The following IMPA2 variants were observed in gnomAD, a reference collection of about 807,000 sequenced individuals.
The protein encoded by IMPA2 is IMP 2.
In IMPA2, 32 loss-of-function variants were observed where a neutral mutation model predicts 35.1. That is an observed-to-expected ratio of 0.91 (90% confidence interval 0.69 to 1.23). IMPA2 has a LOEUF of 1.23. Among genes scored for constraint, IMPA2 ranks in the 50% most tolerant of loss-of-function variants. The pLI is 0.00. For missense variants in IMPA2, 334 were observed against 387.6 expected (o/e 0.86, Z 1.16); for synonymous variants, 135 against 160.6 (o/e 0.84, Z 1.20).
At chr18:12,017,842 T>C (rs1907622428) in intron 5 of IMPA2, 1 of 337,016 alleles carries the variant, frequency 3.0e-6, no homozygotes, top group Admixed American at 4.1e-5. Flanking sequence ...GCCTTTTGCC[T>C]CGGCCTCCGA....
intron 1 of IMPA2, among the ~76,000 whole-genome samples, chr18:11,993,176 C>T (rs591061): frequency 0.38 from 57,925 of 152,030 alleles, 13,466 homozygotes; most frequent in African/African-American, 0.64. Flanking sequence ...GTGTTAGATA[C>T]ACTGTTATTA....
At position 11,987,869 on chromosome 18, in the gene IMPA2, G is replaced by A. The variant is rs111708797; in HGVS notation, c.96+6104G>A. 7.3e-3 allele frequency among the ~76,000 whole-genome samples: 1,108 copies of A among 152,172 alleles called. 10 individuals carry two copies. The highest frequency in any genetic ancestry group is 0.022 in the South Asian group (107 of 4,818). On this transcript the variant is annotated intron_variant, in intron 1 of 7. Transcript: ENST00000269159. ...TGTGTGAGGGTTCCCTTTTCCCCAC[G>A]TCTTCCACAACATGTGGTATGGTCT...
intron 5 of IMPA2, among the ~76,000 whole-genome samples, chr18:12,020,744 C>T (rs1164335280): frequency 6.6e-6 from 1 of 152,024 alleles, no homozygotes; most frequent in Non-Finnish European, 1.5e-5. Flanking sequence ...TTTAGTTTGT[C>T]TTCTTTTCTG....
chr18:11,996,400 G>T (rs1906958860), intron 1 of IMPA2, among the ~76,000 whole-genome samples: 1 of 152,214 alleles, frequency 6.6e-6, no homozygotes, highest in Non-Finnish European at 1.5e-5. Flanking sequence ...TCCCCATCCA[G>T]CTGCTGCGTA....
At chr18:12,002,863 A>C (rs1907149843) in intron 2 of IMPA2, among the ~76,000 whole-genome samples, 1 of 152,086 alleles carries the variant, frequency 6.6e-6, no homozygotes, top group Non-Finnish European at 1.5e-5. Flanking sequence ...ACTGCACTGC[A>C]GCCTGGGCAA....
intron 2 of IMPA2, among the ~76,000 whole-genome samples, chr18:12,003,975 G>A (rs1309952539): frequency 6.6e-6 from 1 of 152,256 alleles, no homozygotes; most frequent in Non-Finnish European, 1.5e-5. Flanking sequence ...AGGGTCTAGT[G>A]TTTTTAGCTG....
At chr18:11,997,434 C>G (rs559529343) in intron 1 of IMPA2, among the ~76,000 whole-genome samples, 1 of 152,126 alleles carries the variant, frequency 6.6e-6, no homozygotes, top group South Asian at 2.1e-4. Flanking sequence ...ACGCTGTATG[C>G]TTTTTTTGGT....
chr18:11,985,869 C>T (rs62099886), intron 1 of IMPA2, among the ~76,000 whole-genome samples: 9,006 of 152,266 alleles, frequency 0.059, 357 homozygotes, highest in Non-Finnish European at 0.087. Flanking sequence ...CTGGCTGTAT[C>T]CACGCCAGTG....
Position 12,028,161 on chromosome 18 carries a change from T to G in IMPA2, c.599+10T>G. The G allele has an allele frequency of 6.4e-7, 1 of 1,563,652 alleles. No individual in the cohort carries two copies. Among genetic ancestry groups the G allele is most frequent in the Non-Finnish European group, 8.8e-7 (1 of 1,134,106 alleles). On this transcript the variant is annotated intron_variant, in intron 6 of 7. Coordinates refer to ENST00000269159, the MANE Select transcript of IMPA2 (RefSeq NM_014214.3). Reference sequence around the variant, plus strand: ...ATGCCAAGGCGCATGGGTAGGAGGTTCAGTTCGGGGAACACCCTGCAGCCC... The same window carrying G: ...ATGCCAAGGCGCATGGGTAGGAGGTGCAGTTCGGGGAACACCCTGCAGCCC...
In IMPA2 at chr18:11,991,620, C is replaced by T. The variant is rs1241484901; in HGVS notation, c.97-7434C>T. Among the ~76,000 whole-genome samples, 4 of 152,076 alleles carry T rather than the reference C, an allele frequency of 2.6e-5. No homozygotes were observed. Among genetic ancestry groups the T allele is most frequent in the African/African-American group, 4.8e-5 (2 of 41,402 alleles). Reference sequence around the variant, plus strand: ...CAGGGTGGGCTGGCAGCTGGAGACGCGGAGAGACAGCTGATGTTCCAGTTT... The same window carrying T: ...CAGGGTGGGCTGGCAGCTGGAGACGTGGAGAGACAGCTGATGTTCCAGTTT... On this transcript the variant is annotated intron_variant, in intron 1 of 7. Coordinates refer to ENST00000269159, the MANE Select transcript of IMPA2 (RefSeq NM_014214.3). This position sits in a 1 kb window ranked among gnomAD's most constrained non-coding sequence, Gnocchi z 4.1.
At chr18:12,024,997 G>A (rs920260372) in intron 5 of IMPA2, among the ~76,000 whole-genome samples, 2 of 152,138 alleles carry the variant, frequency 1.3e-5, no homozygotes, top group Non-Finnish European at 2.9e-5. Flanking sequence ...GTATCATATA[G>A]AATATTTTCG....
At chr18:11,997,985 T>G (rs559808585) in intron 1 of IMPA2, among the ~76,000 whole-genome samples, 4 of 152,022 alleles carry the variant, frequency 2.6e-5, no homozygotes, top group Non-Finnish European at 5.9e-5. Flanking sequence ...CTGGCTAGCA[T>G]AGCAAGACCC....
rs915040807 is a variant in IMPA2 at position 12,010,745 on chromosome 18, G to A, written c.335+758G>A. Among the ~76,000 whole-genome samples, 1 of 152,196 alleles carries A rather than the reference G, an allele frequency of 6.6e-6. No homozygotes were observed. Among genetic ancestry groups the A allele is most frequent in the Non-Finnish European group, 1.5e-5 (1 of 68,032 alleles). On this transcript the variant is annotated intron_variant, in intron 3 of 7. Coordinates refer to ENST00000269159, the MANE Select transcript of IMPA2 (RefSeq NM_014214.3). The surrounding 1 kb of genome is among the most constrained non-coding windows in gnomAD (Gnocchi z 4.8). ...ACAGTGCACGCCAGCACACTAGGCT[G>A]CACGCGCTAAGCAGGAAGGGTGAGC...
chr18:11,993,329 T>G (rs1906868424), intron 1 of IMPA2, among the ~76,000 whole-genome samples: 1 of 152,246 alleles, frequency 6.6e-6, no homozygotes, highest in Non-Finnish European at 1.5e-5. Flanking sequence ...GAAGGGAATT[T>G]TTCATACCCA....
intron 5 of IMPA2, 51 bp from the exon 6 acceptor site, chr18:12,027,992 T>C (rs1443774449): frequency 6.3e-6 from 8 of 1,265,340 alleles, no homozygotes; most frequent in South Asian, 6.0e-5. Context: ...TACTCCTTAG[T>C]TAGAACCAAG....
Position 12,028,249 on chromosome 18 carries a change from C to T in IMPA2, c.599+98C>T, listed in dbSNP as rs1907938390. 6.4e-6 allele frequency: 5 copies of T among 779,502 alleles called. 1 individual carries two copies. The highest frequency in any genetic ancestry group is 2.6e-5 in the East Asian group (1 of 38,252). 48.3% of individuals were successfully genotyped at this position (779,502 alleles called of 1,614,324 possible). On this transcript the variant is annotated intron_variant, in intron 6 of 7. Coordinates refer to ENST00000269159, the MANE Select transcript of IMPA2 (RefSeq NM_014214.3). The stretch of plus-strand genomic sequence containing the variant: ...CCTGGGATTTGAGGAGGAAGCCTGA[C>T]GTGGAAAGAGTGGGAGGGGCACATG...
At chr18:12,009,832 G>A (rs769973849) in intron 2 of IMPA2, 51 bp from the exon 3 acceptor site, 59 of 1,420,774 alleles carry the variant, frequency 4.2e-5, no homozygotes, top group African/African-American at 5.6e-5. Context: ...TTTCAGGCAC[G>A]TTATTCTGTG....
At chr18:12,014,536 C>T (rs1365116457) in intron 5 of IMPA2, among the ~76,000 whole-genome samples, 163 bp downstream of exon 5, 3 of 152,092 alleles carry the variant, frequency 2.0e-5, no homozygotes, top group African/African-American at 7.2e-5. Context: ...GGAGCCAGTT[C>T]TGTATGTTAG....
At chr18:12,022,697 T>C (rs1002821448) in intron 5 of IMPA2, among the ~76,000 whole-genome samples, 11 of 151,110 alleles carry the variant, frequency 7.3e-5, no homozygotes, top group African/African-American at 2.7e-4. Flanking sequence ...TCATAAGTTT[T>C]TTCCCCCTTA....
Sources: allele counts gnomAD v4.1 joint callset (sites outside exome capture counted in the v4.1 genomes callset), GRCh38; gene constraint gnomAD v4.1.1; non-coding constraint Gnocchi (gnomAD v3.1); transcripts MANE v1.5; gene names NCBI Gene and HGNC (gene_info 2026-07-23, HGNC 2026-07-21).